The following SLC35F5 variants were observed in gnomAD, a reference collection of about 807,000 sequenced individuals.
SLC35F5 encodes the protein HCV NS5A-transactivated protein 3.
A neutral mutation model predicts 68.6 loss-of-function variants in SLC35F5; 54 were observed. The observed-to-expected ratio is 0.79, with a 90% CI of 0.63 to 0.99. The LOEUF is 0.99. Ranked by LOEUF, SLC35F5 falls within the 50% of genes least tolerant of loss-of-function variation. The probability of loss-of-function intolerance (pLI) is 0.00; values close to 1 mark genes in which losing one functional copy is unlikely to be tolerated. For missense variants in SLC35F5, 567 were observed against 626.9 expected (o/e 0.90, Z 1.02); for synonymous variants, 211 against 205.2 (o/e 1.03, Z -0.24).
In SLC35F5 at chr2:113,721,314, C is replaced by T. The variant is rs556842072; in HGVS notation, c.1341+1790G>A. ...GACTGCCCAGTTCTAGATATGAAGA[C>T]AATCAAGAACACCAAATCTTTTCTT... On this transcript the variant is annotated intron_variant, in intron 13 of 15. Transcript: ENST00000245680. The T allele has an allele frequency of 2.8e-3, 427 of 151,798 alleles. 2 individuals carry two copies. Among genetic ancestry groups the T allele is most frequent in the African/African-American group, 9.7e-3 (400 of 41,366 alleles). The allele number at this position is 151,798 out of a possible 1,614,324, so 9.4% of individuals were successfully genotyped here.
At chr2:113,752,851 T>A (rs892815253) in intron 3 of SLC35F5, among the ~76,000 whole-genome samples, 2 of 152,116 alleles carry the variant, frequency 1.3e-5, no homozygotes, top group Non-Finnish European at 2.9e-5. Flanking sequence ...TACAGTTAAT[T>A]GTGTTAACTA....
intron 15 of SLC35F5, chr2:113,717,494 C>G: frequency 4.0e-6 from 1 of 252,310 alleles, no homozygotes; most frequent in African/African-American, 2.2e-5. Context: ...CAAGTATTTA[C>G]TATTTTAACA....
At chr2:113,720,086 A>T (rs1687368010) in intron 13 of SLC35F5, among the ~76,000 whole-genome samples, 1 of 151,416 alleles carries the variant, frequency 6.6e-6, no homozygotes, top group Non-Finnish European at 1.5e-5. Context: ...TATAAATAAA[A>T]AGAAAATAAA....
At chr2:113,735,445 T>C (rs1359764043) in intron 8 of SLC35F5, among the ~76,000 whole-genome samples, 1 of 152,196 alleles carries the variant, frequency 6.6e-6, no homozygotes, top group Non-Finnish European at 1.5e-5. Flanking sequence ...CCAACTTATA[T>C]GGCATGCTAC....
At chr2:113,747,099 C>T (rs1438726893) in intron 4 of SLC35F5, among the ~76,000 whole-genome samples, 1 of 151,876 alleles carries the variant, frequency 6.6e-6, no homozygotes, top group Non-Finnish European at 1.5e-5. Flanking sequence ...CCAGCCTGGC[C>T]AACGTGGTGA....
chr2:113,729,006 A>T (rs1458474693), intron 11 of SLC35F5, among the ~76,000 whole-genome samples: 1 of 152,226 alleles, frequency 6.6e-6, no homozygotes, highest in Non-Finnish European at 1.5e-5. Context: ...CATTAAACAT[A>T]TAATTCGGGG....
intron 10 of SLC35F5, among the ~76,000 whole-genome samples, chr2:113,730,546 T>C (rs759839085): frequency 2.0e-5 from 3 of 152,166 alleles, no homozygotes; most frequent in Admixed American, 6.5e-5. Context: ...TAGAAAGCAT[T>C]GTTCTATTCA....
intron 4 of SLC35F5, among the ~76,000 whole-genome samples, chr2:113,749,100 G>A (rs1475530518): frequency 6.6e-6 from 1 of 152,106 alleles, no homozygotes; most frequent in Admixed American, 6.5e-5. Context: ...CTATGGCCCA[G>A]GCAGGTCTTG....
intron 3 of SLC35F5, among the ~76,000 whole-genome samples, chr2:113,754,596 G>C (rs1676891109): frequency 6.6e-6 from 1 of 152,080 alleles, no homozygotes; most frequent in Non-Finnish European, 1.5e-5. Context: ...ACTACCAATA[G>C]GTCATCAATA....
At chr2:113,745,264 C>T (rs549703556) in intron 5 of SLC35F5, among the ~76,000 whole-genome samples, 1 of 151,828 alleles carries the variant, frequency 6.6e-6, no homozygotes, top group South Asian at 2.1e-4. Context: ...GCTTAAGATC[C>T]CAGGAAAAAA....
intron 13 of SLC35F5, among the ~76,000 whole-genome samples, chr2:113,720,615 A>G (rs1303658778): frequency 6.6e-6 from 1 of 152,216 alleles, no homozygotes; most frequent in East Asian, 1.9e-4. Context: ...AATTACCAAT[A>G]TATTTTAACA....
At chr2:113,733,440 G>A in intron 9 of SLC35F5, 1 of 308,556 alleles carries the variant, frequency 3.2e-6, no homozygotes, top group South Asian at 2.7e-5. Flanking sequence ...TTATAAATTA[G>A]CACATATTTT....
chr2:113,718,919 A>AAGAAAG (rs1687304754), intron 14 of SLC35F5, among the ~76,000 whole-genome samples: 1 of 57,856 alleles, frequency 1.7e-5, no homozygotes, highest in Non-Finnish European at 5.0e-5. Context: ...GAAAGAAAGA[A>AAGAAAG]AGAAAGAAAA....
chr2:113,728,131 A>G lies in SLC35F5; in HGVS notation c.1090+1270T>C, dbSNP rs551896797. On this transcript the variant is annotated intron_variant, in intron 11 of 15. Coordinates refer to ENST00000245680, the MANE Select transcript of SLC35F5 (RefSeq NM_025181.5). ...CTCAGCCTCTCATGCAGCTGGGATT[A>G]CAAACACATGTAACCAAACCTGGCT... is the stretch of plus-strand genomic sequence containing the variant. Among the ~76,000 whole-genome samples the G allele has an allele frequency of 5.9e-5, 9 of 152,324 alleles. No individual in the cohort carries two copies. The South Asian group carries it at 1.2e-3, about 21-fold the overall frequency.
intron 4 of SLC35F5, 96 bp from the exon 5 acceptor site, chr2:113,746,435 G>C (rs1473427752): frequency 2.2e-6 from 2 of 903,782 alleles, no homozygotes. Flanking sequence ...CAAAAATCCA[G>C]AATCAACCTG....
intron 5 of SLC35F5, among the ~76,000 whole-genome samples, chr2:113,744,557 G>A (rs543489913): frequency 2.6e-5 from 4 of 152,200 alleles, no homozygotes; most frequent in African/African-American, 9.6e-5. Flanking sequence ...TTCGAGACCA[G>A]CCTGGCCAAC....
At chr2:113,724,571 T>A (rs1442475350) in intron 12 of SLC35F5, among the ~76,000 whole-genome samples, 2 of 152,136 alleles carry the variant, frequency 1.3e-5, no homozygotes, top group Non-Finnish European at 2.9e-5. Flanking sequence ...GAGACAGCAC[T>A]GTAGGCAGAG....
intron 14 of SLC35F5, among the ~76,000 whole-genome samples, chr2:113,718,894 AAAGAAAG>A (rs1299108161): frequency 1.9e-4 from 11 of 57,860 alleles, no homozygotes; most frequent in African/African-American, 5.0e-4. Context: ...AGAAAGAAAG[AAAGAAAG>A]AAAGAAAGAA....
intron 15 of SLC35F5, among the ~76,000 whole-genome samples, chr2:113,715,942 G>T (rs1687160499): frequency 6.6e-6 from 1 of 151,844 alleles, no homozygotes. Context: ...GAAACAAAGG[G>T]TTAAAAAAAT....
Sources: gnomAD v4.1 joint callset for allele counts (sites outside exome capture counted in the v4.1 genomes callset) on GRCh38, gnomAD v4.1.1 for gene constraint, MANE v1.5 for transcripts, NCBI Gene and HGNC (gene_info 2026-07-23, HGNC 2026-07-21) for gene names.